Variants in ABHD2 observed in about 807,000 individuals in gnomAD.
ABHD2 encodes the protein abhydrolase domain containing 2, acylglycerol lipase.
In ABHD2, 20 loss-of-function variants were observed where a neutral mutation model predicts 48.1. That is an observed-to-expected ratio of 0.42 (90% CI 0.29 to 0.60). The LOEUF (loss-of-function observed/expected upper bound fraction) is 0.60, where lower values mean the gene tolerates loss of function less well. Among genes scored for constraint, ABHD2 ranks in the 20% least tolerant of loss-of-function variants. The pLI, the probability that ABHD2 is intolerant of heterozygous loss-of-function variation, is 0.24. For missense variants in ABHD2, 405 were observed against 550.9 expected (o/e 0.74, Z 2.65); for synonymous variants, 209 against 214.2 (o/e 0.98, Z 0.21).
chr15:89,142,228 C>T (rs565419972), intron 3 of ABHD2, among the ~76,000 whole-genome samples: 1 of 152,238 alleles, frequency 6.6e-6, no homozygotes, highest in South Asian at 2.1e-4. Context: ...ACAAAATTGT[C>T]ATTGAAGGCA....
chr15:89,061,177 G>A, the ABHD2 span, among the ~76,000 whole-genome samples: 1 of 151,962 alleles, frequency 6.6e-6, no homozygotes, highest in Non-Finnish European at 1.5e-5. Flanking sequence ...CAGCACTTTG[G>A]GAGGCCAAGG....
chr15:89,119,994 T>C (rs1292549710), intron 3 of ABHD2, among the ~76,000 whole-genome samples: 1 of 152,184 alleles, frequency 6.6e-6, no homozygotes, highest in Non-Finnish European at 1.5e-5. Context: ...AAGCTGTGAA[T>C]ATTAGTCAGT....
At chr15:89,138,329 T>C (rs2050347997) in intron 3 of ABHD2, among the ~76,000 whole-genome samples, 1 of 152,324 alleles carries the variant, frequency 6.6e-6, no homozygotes, top group Non-Finnish European at 1.5e-5. Context: ...CCACCACTGA[T>C]GCTTGTCCTC....
At chr15:89,171,030 C>T (rs1486878057) in intron 5 of ABHD2, among the ~76,000 whole-genome samples, 1 of 152,058 alleles carries the variant, frequency 6.6e-6, no homozygotes, top group East Asian at 1.9e-4. Flanking sequence ...GCAGGAGAAT[C>T]GTTTGAACCC....
intron 3 of ABHD2, among the ~76,000 whole-genome samples, chr15:89,118,327 G>A (rs927122367): frequency 6.6e-6 from 1 of 151,988 alleles, no homozygotes; most frequent in Non-Finnish European, 1.5e-5. Context: ...GGGACTACGT[G>A]CCACCACGCC....
chr15:89,171,814 G>GCCACC (rs1418231316), intron 5 of ABHD2, among the ~76,000 whole-genome samples: 1 of 152,196 alleles, frequency 6.6e-6, no homozygotes, highest in East Asian at 1.9e-4. Flanking sequence ...GTGCGCCACA[G>GCCACC]CCACAGTGGT....
rs1009389079 is a variant in ABHD2 at position 89,186,752 on chromosome 15, C to T, written c.815+1236C>T. On this transcript the variant is annotated intron_variant, in intron 7 of 10. Transcript: ENST00000352732. The surrounding 1 kb of genome is among the most constrained non-coding windows in gnomAD (Gnocchi z 4.3). ...AAAATTTGGGGGATTTTTGGTATCA[C>T]CCTAGAAAAAGCAATCTGACTAAAT... 5.9e-5 allele frequency among the ~76,000 whole-genome samples: 9 copies of T among 152,152 alleles called. No homozygotes were observed. Among genetic ancestry groups the T allele is most frequent in the African/African-American group, 1.7e-4 (7 of 41,446 alleles).
chr15:89,050,024 G>A, the ABHD2 span, among the ~76,000 whole-genome samples: 1 of 152,104 alleles, frequency 6.6e-6, no homozygotes, highest in South Asian at 2.1e-4. Flanking sequence ...CTCCCTTCCT[G>A]GACTACATTT....
chr15:89,164,929 T>C lies in ABHD2; in HGVS notation c.538+9395T>C, dbSNP rs1289376404. ...AGAGGAGAAAAGGTAAACATTTACT[T>C]GAACTGTTAAATGACCTTACCTCTG... On this transcript the variant is annotated intron_variant, in intron 5 of 10. Coordinates refer to ENST00000352732, the MANE Select transcript of ABHD2 (RefSeq NM_152924.5). The surrounding 1 kb of genome is among the most constrained non-coding windows in gnomAD (Gnocchi z 5.0). Among the ~76,000 whole-genome samples, 1 of 152,264 alleles carries C rather than the reference T, an allele frequency of 6.6e-6. No individual in the cohort carries two copies. Among genetic ancestry groups the C allele is most frequent in the African/African-American group, 2.4e-5 (1 of 41,474 alleles).
chr15:89,109,868 A>AGTTCCAGTTCCCCTGC (rs1230021129), intron 1 of ABHD2, among the ~76,000 whole-genome samples: 2 of 152,184 alleles, frequency 1.3e-5, no homozygotes, highest in African/African-American at 4.8e-5. Flanking sequence ...TTGGGGAAAT[A>AGTTCCAGTTCCCCTGC]GTTCCAGTTC....
chr15:89,165,226 C>A (rs1349638279), intron 5 of ABHD2, among the ~76,000 whole-genome samples: 1 of 152,144 alleles, frequency 6.6e-6, no homozygotes, highest in African/African-American at 2.4e-5. Context: ...ACAGAGCCAG[C>A]CCTTAAAATC....
At chr15:89,099,388 C>T (rs2049664480) in intron 1 of ABHD2, among the ~76,000 whole-genome samples, 1 of 152,030 alleles carries the variant, frequency 6.6e-6, no homozygotes, top group Non-Finnish European at 1.5e-5. Flanking sequence ...TCACTTGAGG[C>T]CAGTAGTTGG....
intron 3 of ABHD2, among the ~76,000 whole-genome samples, chr15:89,124,640 G>A (rs558411381): frequency 1.3e-5 from 2 of 151,888 alleles, no homozygotes; most frequent in South Asian, 4.1e-4. Flanking sequence ...TAATTCCATC[G>A]ACCTGATTTT....
rs2150814559 is a variant in ABHD2, at chr15:89,116,171, G to T, written c.-6-151G>T. On this transcript the variant is annotated intron_variant, in intron 2 of 10. Coordinates refer to ENST00000352732, the MANE Select transcript of ABHD2 (RefSeq NM_152924.5). The surrounding 1 kb of genome is among the most constrained non-coding windows in gnomAD (Gnocchi z 4.6). ...TGATTAGTAGCTGTAAGATGCTGGT[G>T]GTGTCTGCCTGTCAGGAGCCTGCGG... Among the ~76,000 whole-genome samples, 1 of 152,286 alleles carries T rather than the reference G, an allele frequency of 6.6e-6. No individual in the cohort carries two copies. Among genetic ancestry groups the T allele is most frequent in the South Asian group, 2.1e-4 (1 of 4,826 alleles).
intron 3 of ABHD2, among the ~76,000 whole-genome samples, chr15:89,132,223 C>T (rs1182516555): frequency 1.3e-5 from 2 of 152,106 alleles, no homozygotes; most frequent in African/African-American, 4.8e-5. Flanking sequence ...ATGCAGGGTC[C>T]GCTGTGCAGT....
chr15:89,074,096 G>A, the ABHD2 span, among the ~76,000 whole-genome samples: 3 of 152,056 alleles, frequency 2.0e-5, no homozygotes, highest in Admixed American at 6.6e-5. Context: ...CACCTGGGCC[G>A]GGCATGGTGG....
Position 89,106,079 on chromosome 15 carries a change from C to T in ABHD2, c.-106-7646C>T, listed in dbSNP as rs1438704437. ...CTGTAATTCCAGCACTTTGGGAGGC[C>T]GAGGCAGGTGGATCACCTGAGGTCA... On this transcript the variant is annotated intron_variant, in intron 1 of 10. Transcript: ENST00000352732. This position sits in a 1 kb window ranked among gnomAD's most constrained non-coding sequence, Gnocchi z 4.2. Among the ~76,000 whole-genome samples, 3 of 151,996 alleles carry T rather than the reference C, an allele frequency of 2.0e-5. No homozygotes were observed. Among genetic ancestry groups the T allele is most frequent in the Non-Finnish European group, 4.4e-5 (3 of 67,990 alleles).
Position 89,155,151 on chromosome 15 carries a change from T to C in ABHD2, c.371-216T>C, listed in dbSNP as rs756396070. 2.0e-5 allele frequency among the ~76,000 whole-genome samples: 3 copies of C among 152,244 alleles called. No homozygotes were observed. The highest frequency in any genetic ancestry group is 4.4e-5 in the Non-Finnish European group (3 of 68,040). Reference sequence around the variant, plus strand: ...TCAAAAGTATCTGTTCATGACTTACTGGACATTTTCAAAACAAACCCTTCA... The same window carrying C: ...TCAAAAGTATCTGTTCATGACTTACCGGACATTTTCAAAACAAACCCTTCA... On this transcript the variant is annotated intron_variant, in intron 4 of 10. Coordinates refer to ENST00000352732, the MANE Select transcript of ABHD2 (RefSeq NM_152924.5). This position sits in a 1 kb window ranked among gnomAD's most constrained non-coding sequence, Gnocchi z 4.9.
At position 89,114,688 on chromosome 15, in the gene ABHD2, G is replaced by T. The variant is rs1766734327; in HGVS notation, c.-7+864G>T. 6.6e-6 allele frequency among the ~76,000 whole-genome samples: 1 copy of T among 152,076 alleles called. No individual in the cohort carries two copies. Among genetic ancestry groups the T allele is most frequent in the African/African-American group, 2.4e-5 (1 of 41,394 alleles). On this transcript the variant is annotated intron_variant, in intron 2 of 10. Transcript: ENST00000352732. This position sits in a 1 kb window ranked among gnomAD's most constrained non-coding sequence, Gnocchi z 4.2. ...GGTAGAGACAGGATTTCACCATGTT[G>T]GCCAGGGCTGGTCTCGAACTCCTGA...
Sources: allele counts gnomAD v4.1 joint callset (sites outside exome capture counted in the v4.1 genomes callset), GRCh38; gene constraint gnomAD v4.1.1; non-coding constraint Gnocchi (gnomAD v3.1); transcripts MANE v1.5; gene names NCBI Gene and HGNC (gene_info 2026-07-23, HGNC 2026-07-21).